TNR: variants seen among roughly 807,000 people sequenced by gnomAD.
TNR encodes tenascin-R.
TNR carries 45 observed loss-of-function variants against 150.4 expected under a neutral mutation model. That is an observed-to-expected ratio of 0.30 (90% CI 0.24 to 0.38). The LOEUF (loss-of-function observed/expected upper bound fraction) is 0.38. Ranked by LOEUF, TNR falls within the 10% of genes least tolerant of loss-of-function variation. TNR has a pLI of 1.00. For missense variants in TNR, 1,544 were observed against 1,759.1 expected, an observed-to-expected ratio of 0.88 and a Z score of 2.19; for synonymous variants, 687 against 678.4, an observed-to-expected ratio of 1.01 and a Z score of -0.20.
At position 175,612,913 on chromosome 1, in the gene TNR, A is replaced by T. The variant is rs142475416; in HGVS notation, c.-164-84544T>A. Among the ~76,000 whole-genome samples the T allele has an allele frequency of 5.6e-4, 81 of 145,798 alleles. 2 individuals are homozygous for T. In the East Asian group the frequency reaches 0.014, roughly 26 times the overall value. Reference sequence around the variant, plus strand: ...CTGGCATTGTGCTAGGTGCTGGTGTAGGAACACAGCCCCCCTTTCCCTCAA... The same window carrying T: ...CTGGCATTGTGCTAGGTGCTGGTGTTGGAACACAGCCCCCCTTTCCCTCAA... On this transcript the variant is annotated intron_variant, in intron 1 of 22. Coordinates refer to ENST00000367674, the MANE Select transcript of TNR (RefSeq NM_003285.3).
chr1:175,335,450 C>T, intron 20 of TNR: 1 of 338,980 alleles, frequency 3.0e-6, no homozygotes, highest in Non-Finnish European at 5.3e-6. Context: ...CCCTTTGTGG[C>T]AGCCTCATGT....
intron 1 of TNR, among the ~76,000 whole-genome samples, chr1:175,640,727 G>T (rs897408546): frequency 3.3e-5 from 5 of 151,024 alleles, no homozygotes; most frequent in African/African-American, 1.2e-4. Context: ...AGTATTAGTT[G>T]TTCACCCATT....
At chr1:175,417,376 A>G (rs1654545202) in intron 2 of TNR, among the ~76,000 whole-genome samples, 1 of 152,150 alleles carries the variant, frequency 6.6e-6, no homozygotes, top group Non-Finnish European at 1.5e-5. Context: ...CAACAAAGTT[A>G]ACTGGAGCCC....
chr1:175,581,395 G>C (rs1662342055), intron 1 of TNR, among the ~76,000 whole-genome samples: 1 of 152,192 alleles, frequency 6.6e-6, no homozygotes, highest in Non-Finnish European at 1.5e-5. Flanking sequence ...AAGAAACGGA[G>C]GTCCCAGCTC....
intron 1 of TNR, among the ~76,000 whole-genome samples, chr1:175,692,509 TTTGCACAC>T (rs1666399747): frequency 2.0e-5 from 3 of 152,342 alleles, no homozygotes; most frequent in Admixed American, 2.0e-4. Flanking sequence ...GGGTCTGAAA[TTTGCACAC>T]TTGAAGAATA....
intron 16 of TNR, 64 bp from the exon 17 acceptor site, chr1:175,355,697 A>T (rs1411625195): frequency 1.2e-6 from 2 of 1,601,586 alleles, no homozygotes; most frequent in African/African-American, 2.7e-5. Flanking sequence ...GCTTGATTTC[A>T]GGTATGGGTA....
chr1:175,401,890 G>A (rs1055246805), intron 4 of TNR, among the ~76,000 whole-genome samples: 2 of 152,082 alleles, frequency 1.3e-5, no homozygotes, highest in African/African-American at 4.8e-5. Context: ...AGCCCTGAAT[G>A]GAAAAGACCA....
At chr1:175,540,591 G>T (rs1281713550) in intron 1 of TNR, among the ~76,000 whole-genome samples, 1 of 152,130 alleles carries the variant, frequency 6.6e-6, no homozygotes, top group Non-Finnish European at 1.5e-5. Flanking sequence ...GAGCAGACAA[G>T]TACCCCAGCT....
At chr1:175,343,996 C>T (rs529836728) in intron 18 of TNR, among the ~76,000 whole-genome samples, 5 of 152,190 alleles carry the variant, frequency 3.3e-5, no homozygotes, top group South Asian at 4.1e-4. Flanking sequence ...AGGAATGAAA[C>T]GCAGGAATGA....
At chr1:175,329,690 C>T (rs1649617376) in intron 21 of TNR, among the ~76,000 whole-genome samples, 1 of 152,236 alleles carries the variant, frequency 6.6e-6, no homozygotes, top group South Asian at 2.1e-4. Flanking sequence ...ATTCTGCTCT[C>T]ACTGCATAAG....
intron 1 of TNR, among the ~76,000 whole-genome samples, chr1:175,695,991 T>TGGATGGATGGAC (rs1408044753): frequency 6.6e-6 from 1 of 151,654 alleles, no homozygotes; most frequent in Non-Finnish European, 1.5e-5. Context: ...GATATATGGA[T>TGGATGGATGGAC]GGATGGATGG....
At chr1:175,563,603 AG>A (rs1198701478) in intron 1 of TNR, among the ~76,000 whole-genome samples, 1 of 152,218 alleles carries the variant, frequency 6.6e-6, no homozygotes, top group African/African-American at 2.4e-5. Context: ...CAATTAAATT[AG>A]GGCAGCCTTA....
chr1:175,628,760 CA>C (rs993204422), intron 1 of TNR, among the ~76,000 whole-genome samples: 30 of 152,212 alleles, frequency 2.0e-4, no homozygotes, highest in African/African-American at 7.2e-4. Context: ...CAAGTTGGCC[CA>C]GTGCCAGCCT....
intron 1 of TNR, among the ~76,000 whole-genome samples, chr1:175,563,024 C>T (rs758101370): frequency 1.3e-5 from 2 of 152,114 alleles, no homozygotes; most frequent in Non-Finnish European, 2.9e-5. Context: ...ATCCCATAAC[C>T]CCATGCAGAG....
chr1:175,458,407 G>C (rs1656660889), intron 2 of TNR, among the ~76,000 whole-genome samples: 1 of 152,174 alleles, frequency 6.6e-6, no homozygotes, highest in South Asian at 2.1e-4. Context: ...TGTCTTCAAG[G>C]AGCTTACAAT....
At chr1:175,568,044 A>G (rs1661709280) in intron 1 of TNR, among the ~76,000 whole-genome samples, 1 of 152,178 alleles carries the variant, frequency 6.6e-6, no homozygotes, top group South Asian at 2.1e-4. Flanking sequence ...CTGCCAAAAT[A>G]TTTTCAAGTT....
At chr1:175,654,779 C>T (rs758408025) in intron 1 of TNR, among the ~76,000 whole-genome samples, 3 of 140,770 alleles carry the variant, frequency 2.1e-5, no homozygotes, top group Non-Finnish European at 4.5e-5. Flanking sequence ...CAGGCAGTGG[C>T]GCGACCTCAG....
At chr1:175,481,256 G>A (rs1053753186) in intron 2 of TNR, among the ~76,000 whole-genome samples, 4 of 152,210 alleles carry the variant, frequency 2.6e-5, no homozygotes, top group African/African-American at 9.7e-5. Context: ...ATGAATGAAT[G>A]AATGTGAATT....
chr1:175,742,826 G>C (rs531210957), intron 1 of TNR, among the ~76,000 whole-genome samples: 12 of 152,174 alleles, frequency 7.9e-5, no homozygotes, highest in East Asian at 3.9e-4. Context: ...ATGGCTTGTC[G>C]GGAGAGAGTT....
Sources: allele counts gnomAD v4.1 joint callset (sites outside exome capture counted in the v4.1 genomes callset), GRCh38; gene constraint gnomAD v4.1.1; transcripts MANE v1.5; gene names NCBI Gene and HGNC (gene_info 2026-07-23, HGNC 2026-07-21).